Variants in ELL2 observed in about 807,000 individuals in gnomAD.
ELL2 encodes the protein elongation factor for RNA polymerase II 2, also known as RNA polymerase II elongation factor ELL2.
ELL2 carries 21 observed loss-of-function variants against 72.8 expected under a neutral mutation model. That is an observed-to-expected ratio of 0.29 (90% CI 0.20 to 0.42). The LOEUF (loss-of-function observed/expected upper bound fraction) is 0.42, where lower values mean the gene tolerates loss of function less well. ELL2 is among the 10% of genes least tolerant of loss of function. The probability of loss-of-function intolerance (pLI) is 1.00; values close to 1 mark genes in which losing one functional copy is unlikely to be tolerated. For missense variants in ELL2, 568 were observed against 772.8 expected (o/e 0.73, Z 3.14); for synonymous variants, 266 against 283.2 (o/e 0.94, Z 0.61).
intron 8 of ELL2, among the ~76,000 whole-genome samples, chr5:95,897,134 ACATAT>A: frequency 6.6e-6 from 1 of 152,376 alleles, no homozygotes; most frequent in Middle Eastern, 3.4e-3. Flanking sequence ...CAAGAAAAGC[ACATAT>A]CATATCATAT....
chr5:95,902,544 C>A (rs1479044802), intron 5 of ELL2, among the ~76,000 whole-genome samples: 1 of 152,164 alleles, frequency 6.6e-6, no homozygotes, highest in Non-Finnish European at 1.5e-5. Context: ...TGACTTCCTA[C>A]TGGAATAGAT....
intron 5 of ELL2, among the ~76,000 whole-genome samples, chr5:95,905,721 T>C (rs978537112): frequency 6.6e-6 from 1 of 151,050 alleles, no homozygotes; most frequent in South Asian, 2.1e-4. Flanking sequence ...ATGTTACTCT[T>C]TGAATAACAG....
intron 2 of ELL2, among the ~76,000 whole-genome samples, chr5:95,931,796 TAAAAAA>T (rs368583353): frequency 6.9e-5 from 5 of 72,544 alleles, no homozygotes; most frequent in Admixed American, 1.8e-4. Flanking sequence ...GCCCTATCCA[TAAAAAA>T]AAAAAAAAAA....
chr5:95,944,510 T>G (rs2112350630), intron 1 of ELL2, among the ~76,000 whole-genome samples: 1 of 152,346 alleles, frequency 6.6e-6, no homozygotes, highest in South Asian at 2.1e-4. Context: ...AGATTTTCAT[T>G]CTAATTCATG....
intron 2 of ELL2, among the ~76,000 whole-genome samples, 176 bp from the exon 3 acceptor site, chr5:95,919,721 C>G (rs1378751733): frequency 6.6e-6 from 1 of 152,202 alleles, no homozygotes; most frequent in East Asian, 1.9e-4. Context: ...GCAAACATGC[C>G]TATAACTTAC....
intron 7 of ELL2, among the ~76,000 whole-genome samples, chr5:95,899,825 A>T (rs979729928): frequency 1.3e-5 from 2 of 152,204 alleles, no homozygotes; most frequent in African/African-American, 4.8e-5. Flanking sequence ...CAGACATTGT[A>T]TATATGCAAG....
At position 95,931,285 on chromosome 5, in the gene ELL2, T is replaced by G. The variant is rs1007646407; in HGVS notation, c.195+11717A>C. ...TATTACCCACCTCATATGACTGATG[T>G]GAAGTTCAGAGATAACCCATCTAAG... is the stretch of plus-strand genomic sequence containing the variant. On this transcript the variant is annotated intron_variant, in intron 2 of 11. Coordinates refer to ENST00000237853, the MANE Select transcript of ELL2 (RefSeq NM_012081.6). Among the ~76,000 whole-genome samples the G allele has an allele frequency of 2.6e-5, 4 of 152,194 alleles. No homozygotes were observed. In the South Asian group the frequency reaches 6.2e-4, roughly 24 times the overall value.
chr5:95,928,308 G>A (rs1750469957), intron 2 of ELL2, among the ~76,000 whole-genome samples: 1 of 152,088 alleles, frequency 6.6e-6, no homozygotes, highest in African/African-American at 2.4e-5. Context: ...TCATGGCTGG[G>A]CTAAGCCACA....
intron 1 of ELL2, among the ~76,000 whole-genome samples, chr5:95,955,592 G>T (rs1751599081): frequency 6.6e-6 from 1 of 152,198 alleles, no homozygotes; most frequent in Non-Finnish European, 1.5e-5. Flanking sequence ...GAGTTATGCT[G>T]TGTTTTCCAG....
At position 95,949,058 on chromosome 5, in the gene ELL2, T is replaced by G. The variant is rs193039637; in HGVS notation, c.148-6009A>C. On this transcript the variant is annotated intron_variant, in intron 1 of 11. Coordinates refer to ENST00000237853, the MANE Select transcript of ELL2 (RefSeq NM_012081.6). Reference sequence around the variant, plus strand: ...TAAGTTTGGTTATACTCTTGACATCTGCATTTACAAGCCAATGCTACTGCA... The same window carrying G: ...TAAGTTTGGTTATACTCTTGACATCGGCATTTACAAGCCAATGCTACTGCA... 3.2e-3 allele frequency among the ~76,000 whole-genome samples: 487 copies of G among 152,328 alleles called. 1 individual carries two copies. Among genetic ancestry groups the G allele is most frequent in the Non-Finnish European group, 1.9e-3 (128 of 68,028 alleles).
intron 2 of ELL2, among the ~76,000 whole-genome samples, chr5:95,928,266 G>A (rs931049590): frequency 6.6e-6 from 1 of 152,166 alleles, no homozygotes; most frequent in African/African-American, 2.4e-5. Context: ...GACAGCCATC[G>A]AGAAAATCTA....
At chr5:95,956,472 C>T (rs1325415766) in intron 1 of ELL2, among the ~76,000 whole-genome samples, 1 of 152,232 alleles carries the variant, frequency 6.6e-6, no homozygotes, top group Non-Finnish European at 1.5e-5. Flanking sequence ...GCAAACCTCA[C>T]TGTTTTACTT....
chr5:95,908,195 C>G (rs1486239728), intron 4 of ELL2, among the ~76,000 whole-genome samples: 11 of 152,254 alleles, frequency 7.2e-5, no homozygotes, highest in Middle Eastern at 3.4e-3. Context: ...ATTTTTCTTA[C>G]ATCAGCTGGA....
In ELL2 at chr5:95,956,524, G is replaced by A. The variant is rs531644277; in HGVS notation, c.147+5051C>T. ...AGTGGTGGCAGTGCTGTGCTGGCAG[G>A]TCTGGATGCTCAAGTGGTGGCTTAA... On this transcript the variant is annotated intron_variant, in intron 1 of 11. Transcript: ENST00000237853. Among the ~76,000 whole-genome samples the A allele has an allele frequency of 5.9e-5, 9 of 152,282 alleles. No homozygotes were observed. The East Asian group carries it at 1.7e-3, about 29-fold the overall frequency.
chr5:95,960,019 G>C (rs577881922), intron 1 of ELL2, among the ~76,000 whole-genome samples: 1 of 152,106 alleles, frequency 6.6e-6, no homozygotes, highest in Non-Finnish European at 1.5e-5. Context: ...GTAAACCAGG[G>C]TTCACACCTC....
At chr5:95,916,798 T>A (rs997476233) in intron 3 of ELL2, among the ~76,000 whole-genome samples, 3 of 149,412 alleles carry the variant, frequency 2.0e-5, no homozygotes, top group Admixed American at 2.0e-4. Flanking sequence ...GGGAAGGTAA[T>A]CCTCAGAGGA....
At position 95,961,795 on chromosome 5, in the gene ELL2, T is replaced by C; in HGVS notation, c.-74A>G. 6.8e-7 allele frequency: 1 copy of C among 1,476,540 alleles called. No homozygotes were observed. Among genetic ancestry groups the C allele is most frequent in the Non-Finnish European group, 9.0e-7 (1 of 1,114,082 alleles). The allele number at this position is 1,476,540 out of a possible 1,614,324, so 91.5% of individuals were successfully genotyped here. A position where few individuals can be genotyped will look rare whatever the true frequency, so the allele number is the denominator to read the frequency against. On this transcript the variant is annotated 5_prime_UTR_variant, in exon 1 of 12. Coordinates refer to ENST00000237853, the MANE Select transcript of ELL2 (RefSeq NM_012081.6). ...CCACTGCGGCCGCGGCTGCTTGGGC[T>C]TCTGCAGCCGCCGCCACTGCTAGGG...
chr5:95,905,237 G>GCACA lies in ELL2; in HGVS notation c.741+1282_741+1285dup, dbSNP rs57650305. On this transcript the variant is annotated intron_variant, in intron 5 of 11. Coordinates refer to ENST00000237853, the MANE Select transcript of ELL2 (RefSeq NM_012081.6). ...AGTTTATCTACACTTTGAGATACGCGCACACACACACACACACGTATATAT... is the reference window on the plus strand; with the variant it reads ...AGTTTATCTACACTTTGAGATACGCGCACACACACACACACACACACGTATATAT... 5.4e-4 allele frequency among the ~76,000 whole-genome samples: 81 copies of GCACA among 149,812 alleles called. 1 individual carries two copies. The highest frequency in any genetic ancestry group is 1.5e-3 in the African/African-American group (61 of 40,726).
At chr5:95,925,930 T>C (rs73771806) in intron 2 of ELL2, among the ~76,000 whole-genome samples, 2,831 of 152,298 alleles carry the variant, frequency 0.019, 93 homozygotes, top group African/African-American at 0.065. Flanking sequence ...ATTTAAACAT[T>C]AGAATTCTCT....
Sources: gnomAD v4.1 joint callset for allele counts (sites outside exome capture counted in the v4.1 genomes callset) on GRCh38, gnomAD v4.1.1 for gene constraint, MANE v1.5 for transcripts, NCBI Gene and HGNC (gene_info 2026-07-23, HGNC 2026-07-21) for gene names.